The following SUMF1 variants were observed in gnomAD, a reference collection of about 807,000 sequenced individuals.
SUMF1 encodes sulfatase modifying factor 1.
Under a neutral mutation model 47.6 loss-of-function variants are expected in SUMF1, and 48 were observed. The ratio of observed to expected loss-of-function variants is 1.01; its 90% CI spans 0.80 to 1.28. The LOEUF (loss-of-function observed/expected upper bound fraction) is 1.28, where lower values mean the gene tolerates loss of function less well. Among genes scored for constraint, SUMF1 ranks in the 50% most tolerant of loss-of-function variants. The pLI, the probability that SUMF1 is intolerant of heterozygous loss-of-function variation, is 0.00. For synonymous variants in SUMF1, 230 were observed against 192.1 expected, an observed-to-expected ratio of 1.20 and a Z score of -1.63; for missense variants, 571 against 485.4, an observed-to-expected ratio of 1.18 and a Z score of -1.66.
intron 8 of SUMF1, among the ~76,000 whole-genome samples, chr3:4,230,211 C>A (rs1696269221): frequency 1.3e-5 from 2 of 151,978 alleles, no homozygotes; most frequent in African/African-American, 4.8e-5. Flanking sequence ...AGACACCAAC[C>A]AGTTGTCCTG....
chr3:4,038,053 C>T (rs1044543073), intron 9 of SUMF1, among the ~76,000 whole-genome samples: 2 of 152,158 alleles, frequency 1.3e-5, no homozygotes, highest in Admixed American at 6.5e-5. Flanking sequence ...GTGAGTTCCT[C>T]TCCCACTTAA....
chr3:4,059,687 T>G (rs945579771), intron 9 of SUMF1, among the ~76,000 whole-genome samples: 10 of 151,390 alleles, frequency 6.6e-5, no homozygotes, highest in Non-Finnish European at 1.5e-4. Context: ...TCTGCCTTCA[T>G]GGAGTTCACA....
intron 8 of SUMF1, among the ~76,000 whole-genome samples, chr3:4,285,351 A>G (rs556776832): frequency 6.6e-6 from 1 of 152,012 alleles, no homozygotes; most frequent in Admixed American, 6.5e-5. Flanking sequence ...TCAAAATAAT[A>G]AAGTGGCTAA....
intron 8 of SUMF1, among the ~76,000 whole-genome samples, chr3:4,375,653 A>G (rs74851460): frequency 0.069 from 10,426 of 152,186 alleles, 1,131 homozygotes; most frequent in African/African-American, 0.23. Flanking sequence ...ACAATCTGCA[A>G]AATGCCATCT....
chr3:4,170,556 A>G (rs1255854929), intron 8 of SUMF1, among the ~76,000 whole-genome samples: 1 of 152,180 alleles, frequency 6.6e-6, no homozygotes, highest in African/African-American at 2.4e-5. Flanking sequence ...ACACAGTTGG[A>G]AGATTTACAC....
chr3:4,122,787 C>T (rs953223741), intron 8 of SUMF1, among the ~76,000 whole-genome samples: 4 of 152,180 alleles, frequency 2.6e-5, no homozygotes, highest in African/African-American at 9.7e-5. Context: ...AAAGGGAAAA[C>T]TGCCTTCAAA....
chr3:4,145,211 A>AG (rs1461933558), intron 8 of SUMF1, among the ~76,000 whole-genome samples: 1 of 150,356 alleles, frequency 6.7e-6, no homozygotes, highest in African/African-American at 2.5e-5. Context: ...AAAAAAAAAA[A>AG]AAGCCATCTC....
At chr3:4,416,598 C>T (rs1264053845) in intron 6 of SUMF1, among the ~76,000 whole-genome samples, 3 of 152,226 alleles carry the variant, frequency 2.0e-5, no homozygotes, top group East Asian at 1.9e-4. Context: ...CCAGCTGTGC[C>T]GCTTTCCAGC....
At chr3:4,160,959 C>A (rs1088207) in intron 8 of SUMF1, among the ~76,000 whole-genome samples, 1 of 152,036 alleles carries the variant, frequency 6.6e-6, no homozygotes, top group African/African-American at 2.4e-5. Context: ...ATGTACCCAT[C>A]CTTCTTGGGA....
chr3:4,096,582 TTAAG>T (rs1692909670), intron 8 of SUMF1, among the ~76,000 whole-genome samples: 1 of 152,068 alleles, frequency 6.6e-6, no homozygotes, highest in African/African-American at 2.4e-5. Context: ...AAATCAATAC[TTAAG>T]TAAGGACTAG....
chr3:4,436,707 A>G (rs1000136669), intron 3 of SUMF1, among the ~76,000 whole-genome samples: 3 of 152,066 alleles, frequency 2.0e-5, no homozygotes, highest in Admixed American at 2.0e-4. Flanking sequence ...TAGCTCCACA[A>G]ACACTTGCAG....
At chr3:4,400,285 G>A (rs953013682) in intron 7 of SUMF1, among the ~76,000 whole-genome samples, 1 of 152,132 alleles carries the variant, frequency 6.6e-6, no homozygotes, top group Non-Finnish European at 1.5e-5. Context: ...GTGAAGAAAA[G>A]TATAGGAAAG....
rs968936141 is a variant in SUMF1 at position 4,236,744 on chromosome 3, T to C, written c.1014+139586A>G. Among the ~76,000 whole-genome samples, 16 of 152,158 alleles carry C rather than the reference T, an allele frequency of 1.1e-4. 1 individual carries two copies. Among genetic ancestry groups the C allele is most frequent in the African/African-American group, 3.6e-4 (15 of 41,456 alleles). ...GTTTGTAACAATCAATGAACCAACATTGATACACCATTATCACCTAAAGTC... is the reference window on the plus strand; with the variant it reads ...GTTTGTAACAATCAATGAACCAACACTGATACACCATTATCACCTAAAGTC... On this transcript the variant is annotated intron_variant and NMD_transcript_variant, in intron 8 of 12. Coordinates refer to the SUMF1 transcript ENST00000448413.
chr3:4,349,718 G>C lies in SUMF1; in HGVS notation c.1014+26612C>G, dbSNP rs371795009. Among the ~76,000 whole-genome samples the C allele has an allele frequency of 7.9e-5, 12 of 152,278 alleles. 1 individual carries two copies. The South Asian group carries it at 2.5e-3, about 32-fold the overall frequency. On this transcript the variant is annotated intron_variant and NMD_transcript_variant, in intron 8 of 12. Transcript: ENST00000448413. The stretch of plus-strand genomic sequence containing the variant: ...ATGAAGCTGGAAGCCATTATCCTCA[G>C]CAAACTAACATAGGAACAGAAAAAC...
At chr3:4,161,433 G>T (rs1439726461) in intron 8 of SUMF1, among the ~76,000 whole-genome samples, 5 of 152,110 alleles carry the variant, frequency 3.3e-5, no homozygotes, top group Admixed American at 3.3e-4. Context: ...ATGCAGTCTG[G>T]TAGCCAGGGC....
chr3:4,407,424 T>C (rs752447795), intron 7 of SUMF1, among the ~76,000 whole-genome samples: 5 of 152,194 alleles, frequency 3.3e-5, no homozygotes, highest in East Asian at 1.9e-4. Context: ...AGTTCCTGAA[T>C]TGAAATATTT....
At chr3:4,184,135 GA>G (rs141767441) in intron 8 of SUMF1, among the ~76,000 whole-genome samples, 1,161 of 110,960 alleles carry the variant, frequency 0.01, 16 homozygotes, top group African/African-American at 0.033. Flanking sequence ...ACCCTGTCTC[GA>G]AAAAAAATTA....
chr3:4,049,199 T>C (rs1201097817), intron 9 of SUMF1, among the ~76,000 whole-genome samples: 1 of 152,128 alleles, frequency 6.6e-6, no homozygotes, highest in East Asian at 1.9e-4. Flanking sequence ...TTCTACATCA[T>C]CCTAACTCCA....
chr3:4,274,043 G>C (rs182460662), intron 8 of SUMF1, among the ~76,000 whole-genome samples: 1 of 151,926 alleles, frequency 6.6e-6, no homozygotes, highest in Non-Finnish European at 1.5e-5. Flanking sequence ...ATATAAACAG[G>C]GCCCATAAAC....
Sources: allele counts gnomAD v4.1 joint callset (sites outside exome capture counted in the v4.1 genomes callset), GRCh38; gene constraint gnomAD v4.1.1; transcripts MANE v1.5; gene names NCBI Gene and HGNC (gene_info 2026-07-23, HGNC 2026-07-21).